VPS13B: variants seen among roughly 807,000 people sequenced by gnomAD.
VPS13B encodes the protein vacuolar protein sorting 13 homolog B.
VPS13B carries 285 observed loss-of-function variants against 426.4 expected under a neutral mutation model. That is an observed-to-expected ratio of 0.67 (90% confidence interval 0.61 to 0.74). VPS13B has a LOEUF of 0.74. VPS13B is among the 30% of genes least tolerant of loss of function. The probability of loss-of-function intolerance (pLI) is 0.00; values close to 1 mark genes in which losing one functional copy is unlikely to be tolerated. For missense variants in VPS13B, 4,537 were observed against 4,782.6 expected, an observed-to-expected ratio of 0.95 and a Z score of 1.51; for synonymous variants, 1,676 against 1,676.4, an observed-to-expected ratio of 1.00 and a Z score of 0.01.
At chr8:99,266,961 T>C (rs1296637735) in intron 17 of VPS13B, among the ~76,000 whole-genome samples, 1 of 152,070 alleles carries the variant, frequency 6.6e-6, no homozygotes, top group Middle Eastern at 3.2e-3. Context: ...TAGGGTAGGG[T>C]GCTGCTATAA....
chr8:99,793,284 T>TATATATATATATATATATATATATATAA (rs1282918685), intron 43 of VPS13B, among the ~76,000 whole-genome samples: 1 of 142,538 alleles, frequency 7.0e-6, no homozygotes, highest in Non-Finnish European at 1.5e-5. Context: ...TATATATATA[T>TATATATATATATATATATATATATATAA]AAAATACATG....
At chr8:99,808,944 G>GGT (rs1813554524) in intron 43 of VPS13B, among the ~76,000 whole-genome samples, 1 of 151,616 alleles carries the variant, frequency 6.6e-6, no homozygotes, top group South Asian at 2.1e-4. Flanking sequence ...AAAGAAAAAA[G>GGT]GTATGACAAT....
chr8:99,063,398 A>G (rs978418179), intron 3 of VPS13B, among the ~76,000 whole-genome samples: 1 of 152,188 alleles, frequency 6.6e-6, no homozygotes, highest in Non-Finnish European at 1.5e-5. Flanking sequence ...GTCTTAGCAA[A>G]CGGCATACCA....
chr8:99,144,488 C>CAA (rs34556724), intron 13 of VPS13B, among the ~76,000 whole-genome samples: 74 of 92,010 alleles, frequency 8.0e-4, no homozygotes, highest in Middle Eastern at 5.6e-3. Context: ...GACCCTGTTT[C>CAA]AAAAAAAAAA....
intron 2 of VPS13B, among the ~76,000 whole-genome samples, chr8:99,030,557 C>T (rs1347852997): frequency 1.3e-5 from 2 of 151,836 alleles, no homozygotes; most frequent in Admixed American, 1.3e-4. Context: ...TCTGGATAGG[C>T]TTCAGCCACC....
rs139138543 is a variant in VPS13B, at chr8:99,402,376, T to C, written c.3082+10672T>C. Among the ~76,000 whole-genome samples, 360 of 152,312 alleles carry C rather than the reference T, an allele frequency of 2.4e-3. 1 individual carries two copies. The highest frequency in any genetic ancestry group is 7.6e-3 in the African/African-American group (317 of 41,576). On this transcript the variant is annotated intron_variant, in intron 21 of 61. Coordinates refer to ENST00000357162, the MANE Select transcript of VPS13B (RefSeq NM_152564.5). ...AAGACATCTCTCTCTGGGTTTTATA[T>C]TCCATGGTGATATGACTTGCTGGCT...
chr8:99,752,399 C>T (rs762091283), intron 39 of VPS13B, among the ~76,000 whole-genome samples: 1 of 152,052 alleles, frequency 6.6e-6, no homozygotes, highest in Non-Finnish European at 1.5e-5. Flanking sequence ...TAGCCCACCA[C>T]CTGTTTTTGT....
intron 17 of VPS13B, among the ~76,000 whole-genome samples, chr8:99,243,393 G>A (rs919640184): frequency 3.3e-5 from 5 of 152,120 alleles, no homozygotes; most frequent in African/African-American, 4.8e-5. Flanking sequence ...TAATATTGAT[G>A]TGAGTATTAA....
intron 19 of VPS13B, among the ~76,000 whole-genome samples, chr8:99,287,535 A>G (rs958088511): frequency 3.3e-5 from 5 of 152,012 alleles, no homozygotes; most frequent in African/African-American, 7.2e-5. Flanking sequence ...TGTAATAATG[A>G]CATCATCTAA....
chr8:99,582,947 G>A (rs1031306541), intron 33 of VPS13B, among the ~76,000 whole-genome samples: 16 of 152,156 alleles, frequency 1.1e-4, no homozygotes, highest in Non-Finnish European at 1.6e-4. Flanking sequence ...GAGCCACTGC[G>A]CCTGGCCACT....
chr8:99,875,381 G>A (rs762637598), intron 61 of VPS13B, 37 bp from the exon 62 acceptor site: 8 of 1,613,756 alleles, frequency 5.0e-6, no homozygotes, highest in East Asian at 2.2e-5. Flanking sequence ...CTCTCGTAAG[G>A]GTCTGGCAAC....
At chr8:99,261,605 A>G (rs1002020722) in intron 17 of VPS13B, among the ~76,000 whole-genome samples, 2 of 152,142 alleles carry the variant, frequency 1.3e-5, no homozygotes, top group Non-Finnish European at 2.9e-5. Context: ...GAATGGTATG[A>G]TAAATGTATG....
At chr8:99,405,462 A>G (rs928230378) in intron 21 of VPS13B, among the ~76,000 whole-genome samples, 26 of 152,180 alleles carry the variant, frequency 1.7e-4, no homozygotes, top group Non-Finnish European at 3.2e-4. Context: ...CATTTTTTGT[A>G]CAGAGTAATG....
intron 54 of VPS13B, among the ~76,000 whole-genome samples, chr8:99,847,062 TAAAG>T (rs1451406906): frequency 6.6e-6 from 1 of 152,220 alleles, no homozygotes; most frequent in Non-Finnish European, 1.5e-5. Context: ...GAATATTTCT[TAAAG>T]AATATCTCTT....
At chr8:99,268,153 A>C (rs2132973515) in intron 17 of VPS13B, among the ~76,000 whole-genome samples, 1 of 152,302 alleles carries the variant, frequency 6.6e-6, no homozygotes, top group Non-Finnish European at 1.5e-5. Context: ...ATGTGTGGAA[A>C]TGCCTGGATG....
At position 99,479,024 on chromosome 8, in the gene VPS13B, C is replaced by T. The variant is rs183771313; in HGVS notation, c.3667-2575C>T. Among the ~76,000 whole-genome samples, 40 of 151,998 alleles carry T rather than the reference C, an allele frequency of 2.6e-4. 1 individual carries two copies. In the East Asian group the frequency reaches 6.0e-3, roughly 23 times the overall value. On this transcript the variant is annotated intron_variant, in intron 24 of 61. Transcript: ENST00000357162. Reference sequence around the variant, plus strand: ...TTGACATTGTATATCCATGTTTTTTCTTCTTCCTCTCTACCTTTAGTGATT... The same window carrying T: ...TTGACATTGTATATCCATGTTTTTTTTTCTTCCTCTCTACCTTTAGTGATT...
At chr8:99,422,464 A>G (rs1441076559) in intron 21 of VPS13B, among the ~76,000 whole-genome samples, 1 of 152,170 alleles carries the variant, frequency 6.6e-6, no homozygotes, top group Non-Finnish European at 1.5e-5. Context: ...TAGTACTCAT[A>G]TAGTACTAAT....
At chr8:99,194,449 C>T (rs747299226) in intron 17 of VPS13B, among the ~76,000 whole-genome samples, 2 of 152,118 alleles carry the variant, frequency 1.3e-5, no homozygotes, top group African/African-American at 2.4e-5. Context: ...TGGTAACCAC[C>T]GTTCTACTCT....
intron 31 of VPS13B, among the ~76,000 whole-genome samples, chr8:99,560,803 C>T (rs1371620181): frequency 6.6e-6 from 1 of 152,164 alleles, no homozygotes; most frequent in Non-Finnish European, 1.5e-5. Flanking sequence ...TCAAGCCTTC[C>T]TATTCCTTAT....
Sources: allele counts gnomAD v4.1 joint callset (sites outside exome capture counted in the v4.1 genomes callset), GRCh38; gene constraint gnomAD v4.1.1; transcripts MANE v1.5; gene names NCBI Gene and HGNC (gene_info 2026-07-23, HGNC 2026-07-21).